The following ORC3 variants were observed in gnomAD, a reference collection of about 807,000 sequenced individuals.
ORC3 encodes the protein origin recognition complex subunit 3.
In ORC3, 78 loss-of-function variants were observed where a neutral mutation model predicts 100.7. The observed-to-expected ratio is 0.77, with a 90% CI of 0.65 to 0.94. ORC3 has a LOEUF of 0.94. Ranked by LOEUF, ORC3 falls within the 40% of genes least tolerant of loss-of-function variation. ORC3 has a pLI of 0.00. For synonymous variants in ORC3, 295 were observed against 289.3 expected (o/e 1.02, Z -0.20); for missense variants, 789 against 823.9 (o/e 0.96, Z 0.52).
the ORC3 span, among the ~76,000 whole-genome samples, chr6:87,672,500 T>G: frequency 6.6e-6 from 1 of 152,192 alleles, no homozygotes; most frequent in African/African-American, 2.4e-5. Flanking sequence ...GAGCCATGTA[T>G]CCATGAGTAG....
the ORC3 span, chr6:87,675,283 C>A: frequency 2.6e-6 from 1 of 378,142 alleles, no homozygotes; most frequent in Non-Finnish European, 4.8e-6. Context: ...ATTTACACAA[C>A]CAGTGAAGGG....
At chr6:87,664,896 C>A (rs1469459918) in intron 18 of ORC3, 37 bp downstream of exon 18, 2 of 1,283,900 alleles carry the variant, frequency 1.6e-6, no homozygotes, top group Non-Finnish European at 2.2e-6. Flanking sequence ...AGATATTTTT[C>A]TAACCATCCA....
chr6:87,598,013 GGA>G (rs1777594061), intron 2 of ORC3, among the ~76,000 whole-genome samples: 1 of 152,040 alleles, frequency 6.6e-6, no homozygotes, highest in East Asian at 1.9e-4. Flanking sequence ...AATATTTCTT[GGA>G]TGTTTACAGT....
chr6:87,634,737 T>C (rs1367819742), intron 11 of ORC3, 108 bp from the exon 12 acceptor site: 3 of 533,030 alleles, frequency 5.6e-6, no homozygotes, highest in Non-Finnish European at 6.4e-6. Flanking sequence ...TTTGTAGTTT[T>C]GAATCTTGTC....
intron 5 of ORC3, 151 bp from the exon 6 acceptor site, chr6:87,607,522 T>G: frequency 1.7e-6 from 1 of 580,252 alleles, no homozygotes; most frequent in Non-Finnish European, 3.0e-6. Flanking sequence ...AGTTAATATG[T>G]TAAATGTTAC....
intron 17 of ORC3, among the ~76,000 whole-genome samples, chr6:87,664,221 A>G (rs778903419): frequency 4.6e-5 from 7 of 152,126 alleles, no homozygotes; most frequent in Non-Finnish European, 8.8e-5. Context: ...TGTGTTTCTC[A>G]GTAAAAGCCA....
chr6:87,650,948 G>C (rs760916795), intron 13 of ORC3: 1 of 326,306 alleles, frequency 3.1e-6, no homozygotes, highest in African/African-American at 2.2e-5. Context: ...CAGAGGTTGC[G>C]GTGAGCCGAG....
intron 2 of ORC3, among the ~76,000 whole-genome samples, chr6:87,601,338 A>T (rs951851473): frequency 7.9e-5 from 12 of 152,180 alleles, no homozygotes; most frequent in Non-Finnish European, 8.8e-5. Flanking sequence ...GAGGATATTG[A>T]ATGTTACCTG....
chr6:87,650,024 C>T (rs1010607651), intron 13 of ORC3, among the ~76,000 whole-genome samples: 3 of 147,704 alleles, frequency 2.0e-5, no homozygotes, highest in Non-Finnish European at 4.5e-5. Flanking sequence ...TATATGCATG[C>T]ATATATATTT....
At chr6:87,661,344 G>C (rs540861938) in intron 16 of ORC3, among the ~76,000 whole-genome samples, 1 of 152,298 alleles carries the variant, frequency 6.6e-6, no homozygotes, top group South Asian at 2.1e-4. Context: ...ATAGAATATT[G>C]TTTCTTAGTG....
chr6:87,629,068 ATAAGT>A (rs148439078), intron 11 of ORC3, among the ~76,000 whole-genome samples: 177 of 152,320 alleles, frequency 1.2e-3, no homozygotes, highest in African/African-American at 4.2e-3. Flanking sequence ...CTCTTGCCAC[ATAAGT>A]GCTAGGAGAA....
rs1583049522 is a variant in ORC3, at chr6:87,616,562, A to C, written c.987+135A>C. The stretch of plus-strand genomic sequence containing the variant: ...AAGTAAATTCCAGTTATTTTATTCT[A>C]GGTTCTACAATTCCTTTGTTACCTT... On this transcript the variant is annotated intron_variant, in intron 9 of 19. Coordinates refer to ENST00000392844, the MANE Select transcript of ORC3 (RefSeq NM_012381.4). 7 of 492,398 alleles carry C rather than the reference A, an allele frequency of 1.4e-5. No homozygotes were observed. The East Asian group carries it at 1.9e-4, about 14-fold the overall frequency. The allele number at this position is 492,398 out of a possible 1,614,324, so 30.5% of individuals were successfully genotyped here.
chr6:87,647,635 C>G (rs1428373057), intron 13 of ORC3, among the ~76,000 whole-genome samples: 1 of 152,164 alleles, frequency 6.6e-6, no homozygotes, highest in Non-Finnish European at 1.5e-5. Flanking sequence ...AATGTAAGTT[C>G]CGTGAGGACA....
chr6:87,655,305 C>T (rs1045642115), intron 14 of ORC3, among the ~76,000 whole-genome samples: 19 of 151,956 alleles, frequency 1.3e-4, no homozygotes, highest in South Asian at 4.1e-4. Flanking sequence ...CCTGCCTCCA[C>T]CTCCTGAGTA....
intron 11 of ORC3, among the ~76,000 whole-genome samples, chr6:87,622,789 C>T (rs1779628771): frequency 6.6e-6 from 1 of 152,060 alleles, no homozygotes; most frequent in Admixed American, 6.6e-5. Context: ...ATATTCTGCA[C>T]CTTGTTTCAT....
chr6:87,644,964 C>T (rs2128284503), intron 13 of ORC3, among the ~76,000 whole-genome samples: 1 of 152,266 alleles, frequency 6.6e-6, no homozygotes, highest in African/African-American at 2.4e-5. Flanking sequence ...AAAAGCATGG[C>T]ATCCCACAAA....
intron 13 of ORC3, among the ~76,000 whole-genome samples, chr6:87,645,380 C>T (rs530181142): frequency 1.3e-5 from 2 of 152,326 alleles, no homozygotes; most frequent in East Asian, 3.9e-4. Context: ...AGGCGATACA[C>T]ATACTTTTGG....
At chr6:87,591,638 A>G (rs1017161980) in intron 1 of ORC3, among the ~76,000 whole-genome samples, 5 of 152,246 alleles carry the variant, frequency 3.3e-5, no homozygotes, top group Non-Finnish European at 7.3e-5. Flanking sequence ...TTTTGGTATT[A>G]TAACAAATGT....
At chr6:87,650,072 T>TA in intron 13 of ORC3, among the ~76,000 whole-genome samples, 1 of 151,204 alleles carries the variant, frequency 6.6e-6, no homozygotes, top group South Asian at 2.1e-4. Context: ...TTTTTTTTTT[T>TA]TTTTTTGAGA....
Sources: gnomAD v4.1 joint callset for allele counts (sites outside exome capture counted in the v4.1 genomes callset) on GRCh38, gnomAD v4.1.1 for gene constraint, MANE v1.5 for transcripts, NCBI Gene and HGNC (gene_info 2026-07-23, HGNC 2026-07-21) for gene names.